Variants in CNGA2 observed in about 807,000 individuals in gnomAD.
The protein encoded by CNGA2 is cyclic nucleotide-gated channel alpha-2.
Under a neutral mutation model 35.9 loss-of-function variants are expected in CNGA2, and 22 were observed. The ratio of observed to expected loss-of-function variants is 0.61; its 90% CI spans 0.44 to 0.88. CNGA2 has a LOEUF of 0.88. Ranked by LOEUF, CNGA2 falls within the 40% of genes least tolerant of loss-of-function variation. The pLI is 0.00. For missense variants in CNGA2, 555 were observed against 530.8 expected (o/e 1.05, Z -0.45); for synonymous variants, 217 against 209.2 (o/e 1.04, Z -0.32).
intron 5 of CNGA2, among the ~76,000 whole-genome samples, chrX:151,741,108 C>A (rs190175096): frequency 8.9e-6 from 1 of 112,181 alleles, no homozygotes; most frequent in Non-Finnish European, 1.9e-5. Flanking sequence ...AGGGTGCATC[C>A]TCCACATTTG....
chrX:151,742,454 C>A, intron 5 of CNGA2, 82 bp from the exon 6 acceptor site: 3 of 703,568 alleles, frequency 4.3e-6, no homozygotes, highest in Admixed American at 2.5e-5. Flanking sequence ...CCAAGCCCTG[C>A]ACACAGTGAA....
intron 2 of CNGA2, 91 bp downstream of exon 2, chrX:151,738,684 A>AG (rs1280379702): frequency 8.2e-5 from 89 of 1,087,851 alleles, no homozygotes; most frequent in Non-Finnish European, 1.0e-4. Context: ...CTTTGTCTCC[A>AG]GGACAGCCTC....
In CNGA2 at chrX:151,743,700, A is replaced by T; in HGVS notation, c.1197A>T (p.Arg399=). Residue 399 remains arginine (R), a synonymous_variant, in exon 7 of 7, where the codon CGA becomes CGT. Coordinates refer to ENST00000329903, the MANE Select transcript of CNGA2 (RefSeq NM_005140.3). ...CCGTGAAACACTACATGCAGTTCCGAAAGGTCAGCAAGGGGATGGAAGCCA... is the reference window on the plus strand; with the variant it reads ...CCGTGAAACACTACATGCAGTTCCGTAAGGTCAGCAAGGGGATGGAAGCCA... The part of the protein sequence containing the change: ...IDAVKHYMQF[R]KVSKGMEAKV... 8.3e-7 allele frequency: 1 copy of T among 1,211,655 alleles called. No individual in the cohort carries two copies. The highest frequency in any genetic ancestry group is 1.8e-5 in the South Asian group (1 of 56,946).
chrX:151,741,309 G>C (rs763256083), intron 5 of CNGA2, among the ~76,000 whole-genome samples: 6 of 111,819 alleles, frequency 5.4e-5, no homozygotes, highest in African/African-American at 1.9e-4. Flanking sequence ...CACCACTCTT[G>C]GATCAGAACA....
chrX:151,743,434 A>G lies in CNGA2; in HGVS notation c.931A>G (p.Asn311Asp), dbSNP rs781158777. The G allele has an allele frequency of 8.3e-7, 1 of 1,207,968 alleles. No individual in the cohort carries two copies. The highest frequency in any genetic ancestry group is 1.8e-5 in the South Asian group (1 of 56,611). ...TGGGGTCGACACCTGGGTTTACCCA[A>G]ACATCACTGACCCTGAGTATGGCTA... ...GFGVDTWVYPNITDPEYGYLA... is the reference protein window; with the variant it reads ...GFGVDTWVYPDITDPEYGYLA... Residue 311 changes from asparagine to aspartate, a missense_variant, in exon 7 of 7, where the codon AAC becomes GAC. By Grantham distance (23) the Asn-to-Asp change is conservative (BLOSUM62 1). Coordinates refer to ENST00000329903, the MANE Select transcript of CNGA2 (RefSeq NM_005140.3).
In CNGA2 at chrX:151,734,818, T is replaced by G. The variant is rs757378374; in HGVS notation, c.-152T>G. Among the ~76,000 whole-genome samples, 55 of 111,463 alleles carry G rather than the reference T, an allele frequency of 4.9e-4. No individual in the cohort carries two copies. The highest frequency in any genetic ancestry group is 9.2e-4 in the Non-Finnish European group (49 of 53,107). ...TGCTGCTCAGAAACACAATAGAACA[T>G]GGACAGAGAAGTGACTTGGGATAAA... On this transcript the variant is annotated 5_prime_UTR_variant, in exon 1 of 7. An upstream start codon of the reference 5' UTR is lost. Transcript: ENST00000329903.
At chrX:151,738,048 C>A (rs1297288505) in intron 1 of CNGA2, among the ~76,000 whole-genome samples, 4 of 104,567 alleles carry the variant, frequency 3.8e-5, no homozygotes, top group Non-Finnish European at 7.8e-5. Flanking sequence ...GCAGTGGCTG[C>A]CTTGGAGCTG....
At chrX:151,737,862 G>T (rs959216055) in intron 1 of CNGA2, among the ~76,000 whole-genome samples, 3 of 106,784 alleles carry the variant, frequency 2.8e-5, no homozygotes, top group Non-Finnish European at 3.9e-5. Context: ...TGGCCCAAGG[G>T]AGGAGGTGCG....
In CNGA2 at chrX:151,744,833, A is replaced by C; in HGVS notation, c.*335A>C. The C allele has an allele frequency of 4.0e-6, 1 of 248,008 alleles. No homozygotes were observed. The allele number at this position is 248,008 out of a possible 1,213,427, so 20.4% of individuals were successfully genotyped here. ...TTGGTTCTGGCCCCCGCTTTTTCTAACATGTCTTCTGAATGCTTCCTTTTT... is the reference window on the plus strand; with the variant it reads ...TTGGTTCTGGCCCCCGCTTTTTCTACCATGTCTTCTGAATGCTTCCTTTTT... On this transcript the variant is annotated 3_prime_UTR_variant, in exon 7 of 7. Transcript: ENST00000329903.
Position 151,743,567 on chromosome X carries a change from T to A in CNGA2, c.1064T>A (p.Phe355Tyr), listed in dbSNP as rs1164657481. The change falls in exon 7 of 7, where the codon TTT (phenylalanine) becomes TAT (tyrosine). Residue 355 changes from phenylalanine to tyrosine, a missense_variant. Coordinates refer to ENST00000329903, the MANE Select transcript of CNGA2 (RefSeq NM_005140.3). Reference sequence around the variant, plus strand: ...GATGAGGAGTACCTATTTGTCATCTTTGACTTCCTGATTGGCGTCCTCATC... The same window carrying A: ...GATGAGGAGTACCTATTTGTCATCTATGACTTCCTGATTGGCGTCCTCATC... ...VKDEEYLFVI[F>Y]DFLIGVLIFA... 2 of 1,209,335 alleles carry A rather than the reference T, an allele frequency of 1.7e-6. No individual in the cohort carries two copies.
intron 4 of CNGA2, among the ~76,000 whole-genome samples, chrX:151,740,554 G>T (rs1007810600): frequency 2.0e-4 from 22 of 112,413 alleles, no homozygotes; most frequent in Non-Finnish European, 4.1e-4. Context: ...GGGAACCAAT[G>T]GACCTATCTA....
intron 1 of CNGA2, among the ~76,000 whole-genome samples, chrX:151,735,934 G>A (rs1024552413): frequency 2.7e-5 from 3 of 111,162 alleles, no homozygotes; most frequent in Non-Finnish European, 3.8e-5. Context: ...GGTCCCCAGC[G>A]AGGCCTCTAT....
In CNGA2 at chrX:151,738,604, A is replaced by G; in HGVS notation, c.110+11A>G. ...CAGGACAAGCAGCAGGTGAGTCTGC[A>G]TGGTATCAGGGAAGGTACAGAGGCT... On this transcript the variant is annotated intron_variant, in intron 2 of 6. Coordinates refer to ENST00000329903, the MANE Select transcript of CNGA2 (RefSeq NM_005140.3). The G allele has an allele frequency of 8.4e-7, 1 of 1,185,345 alleles. No homozygotes were observed. The highest frequency in any genetic ancestry group is 1.1e-6 in the Non-Finnish European group (1 of 871,920).
chrX:151,744,188 A>C lies in CNGA2; in HGVS notation c.1685A>C (p.Glu562Ala), dbSNP rs1427232449. 2 of 1,208,057 alleles carry C rather than the reference A, an allele frequency of 1.7e-6. No homozygotes were observed. The highest frequency in any genetic ancestry group is 2.2e-6 in the Non-Finnish European group (2 of 894,857). Residue 562 changes from glutamate to alanine, a missense_variant, in exon 7 of 7, where the codon GAG becomes GCG. Transcript: ENST00000329903. Reference protein sequence around the residue: ...SKDDLMEAVTEYPDAKKVLEE... With the variant: ...SKDDLMEAVTAYPDAKKVLEE... ...GATGATCTTATGGAAGCTGTGACTG[A>C]GTACCCTGATGCCAAGAAAGTCCTA...
chrX:151,743,773 G>A lies in CNGA2; in HGVS notation c.1270G>A (p.Asp424Asn), dbSNP rs2015342619. The A allele has an allele frequency of 1.7e-6, 2 of 1,211,662 alleles. No individual in the cohort carries two copies. Among genetic ancestry groups the A allele is most frequent in the South Asian group, 3.5e-5 (2 of 56,959 alleles). Residue 424 changes from aspartate to asparagine, a missense_variant, in exon 7 of 7, where the codon GAT (aspartate) becomes AAT (asparagine). By Grantham distance (23) the Asp-to-Asn change is conservative (BLOSUM62 1). Coordinates refer to ENST00000329903, the MANE Select transcript of CNGA2 (RefSeq NM_005140.3). Reference sequence around the variant, plus strand: ...CTTGTGGACCAATAAGAAGACAGTGGATGAGCGAGAAATTCTCAAGAATCT... The same window carrying A: ...CTTGTGGACCAATAAGAAGACAGTGAATGAGCGAGAAATTCTCAAGAATCT... Reference protein sequence around the residue: ...DYLWTNKKTVDEREILKNLPA... With the variant: ...DYLWTNKKTVNEREILKNLPA...
chrX:151,736,946 C>T (rs1057051800), intron 1 of CNGA2, among the ~76,000 whole-genome samples: 1 of 111,721 alleles, frequency 9.0e-6, no homozygotes, highest in African/African-American at 3.3e-5. Context: ...CTTTTTGTCT[C>T]CATGGTCTGC....
chrX:151,739,390 C>T (rs1223234352), intron 3 of CNGA2, among the ~76,000 whole-genome samples, 172 bp from the exon 4 acceptor site: 1 of 112,553 alleles, frequency 8.9e-6, no homozygotes, highest in African/African-American at 3.2e-5. Flanking sequence ...GCCCCCTGCC[C>T]TATGGCCTCT....
At chrX:151,739,469 C>A in intron 3 of CNGA2, 93 bp from the exon 4 acceptor site, 2 of 945,951 alleles carry the variant, frequency 2.1e-6, no homozygotes, top group Non-Finnish European at 2.9e-6. Context: ...CTTCTTTCAT[C>A]TTCCTTAGCA....
chrX:151,738,973 C>A, intron 3 of CNGA2, 94 bp downstream of exon 3: 1 of 687,680 alleles, frequency 1.5e-6, no homozygotes, highest in Non-Finnish European at 2.1e-6. Flanking sequence ...TCCCACCAGT[C>A]CTGTCCACCA....
Sources: gnomAD v4.1 joint callset for allele counts (sites outside exome capture counted in the v4.1 genomes callset) on GRCh38, gnomAD v4.1.1 for gene constraint, MANE v1.5 for transcripts, NCBI Gene and HGNC (gene_info 2026-07-23, HGNC 2026-07-21) for gene names.